MTAP: variants seen among roughly 807,000 people sequenced by gnomAD.
The protein encoded by MTAP is S-methyl-5'-thioadenosine phosphorylase.
In MTAP, 33 loss-of-function variants were observed where a neutral mutation model predicts 33.6. The ratio of observed to expected loss-of-function variants is 0.98; its 90% CI spans 0.74 to 1.31. The LOEUF (loss-of-function observed/expected upper bound fraction) is 1.31, where lower values mean the gene tolerates loss of function less well. MTAP is among the 40% of genes most tolerant of loss of function. MTAP has a pLI of 0.00. For missense variants in MTAP, 367 were observed against 360.0 expected, an observed-to-expected ratio of 1.02 and a Z score of -0.16; for synonymous variants, 148 against 125.7, an observed-to-expected ratio of 1.18 and a Z score of -1.19.
chr9:21,918,518 C>T (rs1005550042), intron 1 of MTAP, among the ~76,000 whole-genome samples: 6 of 151,960 alleles, frequency 3.9e-5, no homozygotes, highest in African/African-American at 1.4e-4. Context: ...ACCCATTTAA[C>T]CAAAAACCAT....
chr9:21,930,851 C>T, intron 1 of MTAP: 2 of 656,474 alleles, frequency 3.0e-6, no homozygotes, highest in South Asian at 3.7e-5. Context: ...AAGAACAAGC[C>T]TCTCGTGGTT....
At chr9:21,809,657 G>T (rs1824296065) in intron 1 of MTAP, among the ~76,000 whole-genome samples, 1 of 150,492 alleles carries the variant, frequency 6.6e-6, no homozygotes. Flanking sequence ...AAAAAAGAAA[G>T]AAATTTATGG....
At chr9:21,869,088 C>T (rs1351145749), downstream of MTAP, among the ~76,000 whole-genome samples, 2 of 152,138 alleles carry the variant, frequency 1.3e-5, no homozygotes, top group African/African-American at 4.8e-5. Context: ...ATTATTGAAT[C>T]ACTTTTTCAG....
Position 21,862,814 on chromosome 9 carries a change from G to A in MTAP, c.*800G>A, listed in dbSNP as rs1825780949. ...ACTAGAAAGAAATATATATAACCTT[G>A]TTATTGTATTTGGGGGAGGGATACT... On this transcript the variant is annotated 3_prime_UTR_variant, in exon 8 of 8. Coordinates refer to ENST00000644715, the MANE Select transcript of MTAP (RefSeq NM_002451.4). 2.6e-6 allele frequency: 1 copy of A among 385,712 alleles called. No individual in the cohort carries two copies. The highest frequency in any genetic ancestry group is 3.5e-6 in the Non-Finnish European group (1 of 282,788). The allele number at this position is 385,712 out of a possible 1,614,324, so 23.9% of individuals were successfully genotyped here. A position where few individuals can be genotyped will look rare whatever the true frequency, so the allele number is the denominator to read the frequency against.
chr9:21,863,908 C>G lies in MTAP; in HGVS notation c.*1894C>G, dbSNP rs1046565759. 1 of 985,648 alleles carries G rather than the reference C, an allele frequency of 1.0e-6. No homozygotes were observed. Among genetic ancestry groups the G allele is most frequent in the African/African-American group, 1.7e-5 (1 of 57,196 alleles). 61.1% of individuals were successfully genotyped at this position (985,648 alleles called of 1,614,324 possible). On this transcript the variant is annotated 3_prime_UTR_variant, in exon 8 of 8. Transcript: ENST00000644715. ...ATTTGGGTCAAGTATGATTATGACCCTTGGACTTCCTGATGTAGTATTAAA... is the reference window on the plus strand; with the variant it reads ...ATTTGGGTCAAGTATGATTATGACCGTTGGACTTCCTGATGTAGTATTAAA...
downstream of MTAP, among the ~76,000 whole-genome samples, chr9:21,867,702 C>CAA (rs11397272): frequency 7.2e-4 from 103 of 143,214 alleles, 3 homozygotes; most frequent in African/African-American, 2.2e-3. Flanking sequence ...AAATAAACTT[C>CAA]AAAAAAAAAA....
intron 1 of MTAP, among the ~76,000 whole-genome samples, chr9:21,873,927 A>G (rs575554660): frequency 6.6e-6 from 1 of 152,246 alleles, no homozygotes; most frequent in Admixed American, 6.5e-5. Flanking sequence ...GGAATAAAAA[A>G]AATTTGATTA....
chr9:21,876,297 A>G (rs756273320), intron 1 of MTAP, among the ~76,000 whole-genome samples: 115 of 151,868 alleles, frequency 7.6e-4, no homozygotes, highest in Admixed American at 1.4e-3. Context: ...GTTTGCAAAT[A>G]TTTTCTCCCA....
At chr9:21,897,106 A>G (rs1279965270) in intron 1 of MTAP, among the ~76,000 whole-genome samples, 4 of 152,238 alleles carry the variant, frequency 2.6e-5, no homozygotes, top group Non-Finnish European at 5.9e-5. Flanking sequence ...AATCCATTAT[A>G]TAAACAGAAC....
chr9:21,924,786 A>G (rs1203504761), intron 1 of MTAP, among the ~76,000 whole-genome samples: 3 of 152,230 alleles, frequency 2.0e-5, no homozygotes, highest in Non-Finnish European at 2.9e-5. Flanking sequence ...GCTCCCTTCA[A>G]GAAGTTAGTT....
chr9:21,840,146 A>T (rs1213916010), intron 5 of MTAP, among the ~76,000 whole-genome samples: 1 of 152,086 alleles, frequency 6.6e-6, no homozygotes, highest in Non-Finnish European at 1.5e-5. Flanking sequence ...GAATCGCTTG[A>T]ACCTGGGAGG....
chr9:21,908,655 T>G (rs1185656854), intron 1 of MTAP, among the ~76,000 whole-genome samples: 3 of 152,106 alleles, frequency 2.0e-5, no homozygotes, highest in Non-Finnish European at 4.4e-5. Flanking sequence ...CACTGACATT[T>G]TTTGTTGTTT....
In MTAP at chr9:21,862,003, C is replaced by G; in HGVS notation, c.841C>G (p.Pro281Ala). The G allele has an allele frequency of 6.2e-7, 1 of 1,608,684 alleles. No homozygotes were observed. The highest frequency in any genetic ancestry group is 8.5e-7 in the Non-Finnish European group (1 of 1,175,804). Reference sequence around the variant, plus strand: ...TATGGCCCAGTTTTCTGTTTTATTACCAAGACATTAAAGTAGCATGGCTGC... The same window carrying G: ...TATGGCCCAGTTTTCTGTTTTATTAGCAAGACATTAAAGTAGCATGGCTGC... Reference protein sequence around the residue: ...KNMAQFSVLLPRH With the variant: ...KNMAQFSVLLARH The change falls in exon 8 of 8, where the codon CCA (proline) becomes GCA (alanine). Residue 281 changes from proline to alanine, a missense_variant. Pro to Ala is a conservative substitution (Grantham distance 27). Transcript: ENST00000644715.
At position 21,854,823 on chromosome 9, in the gene MTAP, A is replaced by T; in HGVS notation, c.643A>T (p.Ile215Phe). The part of the protein sequence containing the change: ...AKEAGICYAS[I>F]AMATDYDCWK... Reference sequence around the variant, plus strand: ...GGAGGCTGGAATTTGTTACGCAAGTATCGCCATGGCGACAGATTATGACTG... The same window carrying T: ...GGAGGCTGGAATTTGTTACGCAAGTTTCGCCATGGCGACAGATTATGACTG... The change falls in exon 6 of 8, where the codon ATC becomes TTC. Residue 215 changes from isoleucine (I) to phenylalanine (F), a missense_variant. Ile to Phe is a conservative substitution (Grantham distance 21). Transcript: ENST00000644715. 1 of 1,614,182 alleles carries T rather than the reference A, an allele frequency of 6.2e-7. No individual in the cohort carries two copies. Among genetic ancestry groups the T allele is most frequent in the Non-Finnish European group, 8.5e-7 (1 of 1,179,996 alleles).
chr9:21,897,585 T>C (rs1035871659), intron 1 of MTAP, among the ~76,000 whole-genome samples: 7 of 152,060 alleles, frequency 4.6e-5, no homozygotes, highest in South Asian at 2.1e-4. Context: ...TATACACCAA[T>C]AACAGACAAA....
chr9:21,828,141 A>G (rs919464049), intron 4 of MTAP, among the ~76,000 whole-genome samples: 3 of 152,230 alleles, frequency 2.0e-5, no homozygotes, highest in African/African-American at 4.8e-5. Flanking sequence ...GTTTCATTCT[A>G]TCTTAGCCAG....
downstream of MTAP, among the ~76,000 whole-genome samples, chr9:21,939,423 C>T (rs1263028648): frequency 6.6e-6 from 1 of 152,102 alleles, no homozygotes. Context: ...CTATCTATAG[C>T]TTACAGAAAT....
At chr9:21,807,917 G>A (rs924960009) in intron 1 of MTAP, among the ~76,000 whole-genome samples, 2 of 152,220 alleles carry the variant, frequency 1.3e-5, no homozygotes, top group Non-Finnish European at 2.9e-5. Context: ...AGCAGTTAAG[G>A]AAAATGTTTG....
chr9:21,867,679 A>G (rs1467964311), downstream of MTAP, among the ~76,000 whole-genome samples: 1 of 150,304 alleles, frequency 6.7e-6, no homozygotes, highest in Non-Finnish European at 1.5e-5. Flanking sequence ...ACAAACATAT[A>G]TTTTTAAGAT....
Sources: gnomAD v4.1 joint callset for allele counts (sites outside exome capture counted in the v4.1 genomes callset) on GRCh38, gnomAD v4.1.1 for gene constraint, MANE v1.5 for transcripts, NCBI Gene and HGNC (gene_info 2026-07-23, HGNC 2026-07-21) for gene names.